CEP63: variants seen among roughly 807,000 people sequenced by gnomAD.
The protein encoded by CEP63 is centrosomal protein of 63 kDa.
Under a neutral mutation model 89.1 loss-of-function variants are expected in CEP63, and 84 were observed. The ratio of observed to expected loss-of-function variants is 0.94; its 90% CI spans 0.79 to 1.13. CEP63 has a LOEUF of 1.13. CEP63 is among the 50% of genes most tolerant of loss of function. CEP63 has a pLI of 0.00. For missense variants in CEP63, 838 were observed against 813.3 expected, an observed-to-expected ratio of 1.03 and a Z score of -0.37; for synonymous variants, 267 against 272.5, an observed-to-expected ratio of 0.98 and a Z score of 0.20.
At chr3:134,659,577 G>GA in the CEP63 span, among the ~76,000 whole-genome samples, 1 of 152,220 alleles carries the variant, frequency 6.6e-6, no homozygotes, top group Admixed American at 6.5e-5. Flanking sequence ...ACGTTTCAGT[G>GA]AAAAGGCATT....
At chr3:134,683,618 T>A in the CEP63 span, among the ~76,000 whole-genome samples, 1 of 152,126 alleles carries the variant, frequency 6.6e-6, no homozygotes, top group African/African-American at 2.4e-5. Context: ...TCCTCATTCA[T>A]GTAAATGAAA....
upstream of CEP63, chr3:134,485,991 GC>G (rs5852785): frequency 0.18 from 151,895 of 865,422 alleles, 13,542 homozygotes; most frequent in African/African-American, 0.21. Flanking sequence ...CTCCTGCCAC[GC>G]CCCCCCCCCC....
In CEP63 at chr3:134,507,261, G is replaced by A. The variant is rs1397896358; in HGVS notation, c.197G>A (p.Ser66Asn). The change falls in exon 3 of 15, where the codon AGT becomes AAT. Residue 66 changes from serine (S) to asparagine (N), a missense_variant. Transcript: ENST00000675561. ...IREQELKSLR[S>N]QLDVTHKEVG... is the part of the protein sequence containing the mutation. ...GAACAGGAACTTAAGAGTCTTAGGAGTCAGTTGGATGTGACACATAAGGAG... is the reference window on the plus strand; with the variant it reads ...GAACAGGAACTTAAGAGTCTTAGGAATCAGTTGGATGTGACACATAAGGAG... The A allele has an allele frequency of 2.5e-6, 4 of 1,613,558 alleles. No homozygotes were observed. In the South Asian group the frequency reaches 3.3e-5, roughly 13 times the overall value.
intron 3 of CEP63, chr3:134,511,023 A>G (rs1944796787): frequency 6.3e-6 from 1 of 159,082 alleles, no homozygotes; most frequent in African/African-American, 2.5e-5. Flanking sequence ...TTGCTGTGCT[A>G]CGAATGTCCT....
the CEP63 span, among the ~76,000 whole-genome samples, chr3:134,781,252 A>T: frequency 3.0e-4 from 45 of 152,096 alleles, no homozygotes; most frequent in African/African-American, 1.1e-3. Context: ...AAAATTATAG[A>T]TTTTTTTTGT....
At chr3:134,604,460 T>C in the CEP63 span, 1 of 1,606,068 alleles carries the variant, frequency 6.2e-7, no homozygotes, top group Non-Finnish European at 8.5e-7. Flanking sequence ...ATGGTGACCG[T>C]GGCCTTCCCA....
At chr3:134,650,494 G>A in the CEP63 span, among the ~76,000 whole-genome samples, 1 of 152,312 alleles carries the variant, frequency 6.6e-6, no homozygotes, top group Non-Finnish European at 1.5e-5. Context: ...CTGAGGCTCT[G>A]GCCGCCTTCC....
At chr3:134,712,371 G>A in the CEP63 span, among the ~76,000 whole-genome samples, 1 of 134,068 alleles carries the variant, frequency 7.5e-6, no homozygotes, top group Non-Finnish European at 1.7e-5. Flanking sequence ...TTATTTCTTA[G>A]GGGACCCCCT....
downstream of CEP63, among the ~76,000 whole-genome samples, chr3:134,592,650 G>A (rs772855474): frequency 6.6e-6 from 1 of 152,084 alleles, no homozygotes; most frequent in Non-Finnish European, 1.5e-5. Flanking sequence ...ATACCCTCCA[G>A]TTTTTGCTTT....
At chr3:134,548,191 T>A (rs1953989582) in intron 9 of CEP63, among the ~76,000 whole-genome samples, 1 of 152,240 alleles carries the variant, frequency 6.6e-6, no homozygotes, top group Non-Finnish European at 1.5e-5. Flanking sequence ...TATTTCCACA[T>A]TTCTGTACTT....
chr3:134,629,638 T>C, the CEP63 span: 8 of 1,601,280 alleles, frequency 5.0e-6, no homozygotes, highest in Admixed American at 8.6e-5. Context: ...CAAGGAGAAC[T>C]TCTTGAGCAG....
the CEP63 span, among the ~76,000 whole-genome samples, chr3:134,739,121 G>A: frequency 3.3e-5 from 5 of 152,240 alleles, no homozygotes; most frequent in South Asian, 2.1e-4. Context: ...CATGTGGGCC[G>A]GAGATTCTTC....
intron 5 of CEP63, among the ~76,000 whole-genome samples, chr3:134,534,312 C>T (rs370274141): frequency 3.5e-4 from 54 of 152,254 alleles, no homozygotes; most frequent in African/African-American, 1.2e-3. Flanking sequence ...GTCTCATCTA[C>T]TTATTCCCAC....
At chr3:134,633,708 C>A in the CEP63 span, among the ~76,000 whole-genome samples, 1 of 152,048 alleles carries the variant, frequency 6.6e-6, no homozygotes, top group Admixed American at 6.5e-5. Flanking sequence ...TCATAGATAT[C>A]CACTCTCACT....
the CEP63 span, among the ~76,000 whole-genome samples, chr3:134,761,670 C>T: frequency 6.6e-6 from 1 of 152,174 alleles, no homozygotes; most frequent in Admixed American, 6.5e-5. Context: ...GCACTCTGTC[C>T]ACCTAGCCCT....
At chr3:134,703,237 A>C in the CEP63 span, among the ~76,000 whole-genome samples, 1 of 148,814 alleles carries the variant, frequency 6.7e-6, no homozygotes, top group Non-Finnish European at 1.5e-5. Flanking sequence ...CGAAGCTTGC[A>C]CTGAGCCGAG....
chr3:134,744,232 T>A, the CEP63 span, among the ~76,000 whole-genome samples: 3 of 151,946 alleles, frequency 2.0e-5, no homozygotes, highest in Non-Finnish European at 2.9e-5. Context: ...GGCCCCTAGG[T>A]AAAAGAAAAA....
chr3:134,740,420 C>T, the CEP63 span, among the ~76,000 whole-genome samples: 1 of 152,150 alleles, frequency 6.6e-6, no homozygotes. Context: ...GCCTCAGCCT[C>T]CCGAGTAGCA....
At chr3:134,519,427 C>T (rs1256433209) in intron 3 of CEP63, among the ~76,000 whole-genome samples, 1 of 152,186 alleles carries the variant, frequency 6.6e-6, no homozygotes, top group Non-Finnish European at 1.5e-5. Context: ...AGCCACCACG[C>T]CCGGCTGAAT....
Sources: gnomAD v4.1 joint callset for allele counts (sites outside exome capture counted in the v4.1 genomes callset) on GRCh38, gnomAD v4.1.1 for gene constraint, MANE v1.5 for transcripts, NCBI Gene and HGNC (gene_info 2026-07-23, HGNC 2026-07-21) for gene names.